Variants in CIMIP1 observed in about 807,000 individuals in gnomAD.
CIMIP1 encodes ciliary microtubule inner protein 1.
the CIMIP1 span, chr20:58,155,595 T>C: frequency 4.4e-5 from 68 of 1,555,802 alleles, no homozygotes; most frequent in East Asian, 1.5e-3. Context: ...AAATACTCAT[T>C]TTTTTAAAAT....
chr20:58,151,339 G>A, the CIMIP1 span, among the ~76,000 whole-genome samples: 1 of 146,674 alleles, frequency 6.8e-6, no homozygotes, highest in Non-Finnish European at 1.5e-5. Flanking sequence ...ACATGTTCAT[G>A]TTTTTTTTTT....
chr20:58,153,740 ATCACTAAC>A, the CIMIP1 span: 1 of 777,808 alleles, frequency 1.3e-6, no homozygotes, highest in Admixed American at 2.5e-5. Context: ...GTAGGCAAAG[ATCACTAAC>A]TCCTAAACCA....
At chr20:58,150,944 C>A in the CIMIP1 span, 2 of 1,592,948 alleles carry the variant, frequency 1.3e-6, no homozygotes, top group East Asian at 2.3e-5. Flanking sequence ...GCTTGCGGGG[C>A]GCACAGAGCC....
chr20:58,160,811 G>A, the CIMIP1 span: 13 of 1,612,106 alleles, frequency 8.1e-6, no homozygotes, highest in Non-Finnish European at 1.0e-5. Flanking sequence ...GCCCAAGCAG[G>A]GCGTGCACTG....
At chr20:58,160,377 T>A in the CIMIP1 span, among the ~76,000 whole-genome samples, 1 of 152,256 alleles carries the variant, frequency 6.6e-6, no homozygotes, top group Non-Finnish European at 1.5e-5. Flanking sequence ...TATTTCTGCA[T>A]CTTTTTTTCT....
chr20:58,157,845 G>A, the CIMIP1 span, among the ~76,000 whole-genome samples: 39 of 152,332 alleles, frequency 2.6e-4, no homozygotes, highest in Admixed American at 1.7e-3. Flanking sequence ...TGGGCTGGCC[G>A]GAGAATAGAG....
At chr20:58,160,801 G>GC in the CIMIP1 span, 1 of 1,612,796 alleles carries the variant, frequency 6.2e-7, no homozygotes, top group African/African-American at 1.3e-5. Context: ...AGCTGTGCTG[G>GC]CCCAAGCAGG....
the CIMIP1 span, among the ~76,000 whole-genome samples, chr20:58,154,484 AAC>A: frequency 6.6e-6 from 1 of 152,238 alleles, no homozygotes; most frequent in Non-Finnish European, 1.5e-5. Context: ...AATTAATTAA[AAC>A]ACCACATCAG....
At chr20:58,151,077 T>C in the CIMIP1 span, 1 of 1,527,278 alleles carries the variant, frequency 6.5e-7, no homozygotes. Context: ...TGTTCTCACC[T>C]GAAGTGTCCA....
At chr20:58,153,956 G>T in the CIMIP1 span, among the ~76,000 whole-genome samples, 2 of 152,204 alleles carry the variant, frequency 1.3e-5, no homozygotes, top group African/African-American at 4.8e-5. Context: ...CCCTACTCAG[G>T]TGAGAAGCAG....
the CIMIP1 span, among the ~76,000 whole-genome samples, chr20:58,154,267 C>T: frequency 6.6e-6 from 1 of 152,188 alleles, no homozygotes; most frequent in African/African-American, 2.4e-5. Flanking sequence ...TGGTCCTGTC[C>T]AAAGAGGCAG....
the CIMIP1 span, chr20:58,155,455 G>C: frequency 1.2e-6 from 2 of 1,603,908 alleles, no homozygotes; most frequent in Non-Finnish European, 1.7e-6. Flanking sequence ...CATCTCTGGG[G>C]ATTCTGTTTC....
At chr20:58,153,095 G>A in the CIMIP1 span, among the ~76,000 whole-genome samples, 2 of 152,170 alleles carry the variant, frequency 1.3e-5, no homozygotes, top group Non-Finnish European at 1.5e-5. Flanking sequence ...GTCGGATTAG[G>A]GTGGGGCAAG....
chr20:58,158,713 T>C, the CIMIP1 span, among the ~76,000 whole-genome samples: 3 of 152,138 alleles, frequency 2.0e-5, no homozygotes, highest in Admixed American at 6.5e-5. Flanking sequence ...TATCCTCTCA[T>C]TGGTGACCAA....
At chr20:58,160,876 G>A in the CIMIP1 span, 1 of 1,561,572 alleles carries the variant, frequency 6.4e-7, no homozygotes, top group East Asian at 2.3e-5. Context: ...AGGCACCCAG[G>A]GCCATGCCAG....
chr20:58,160,753 C>T, the CIMIP1 span: 44 of 1,614,014 alleles, frequency 2.7e-5, 1 homozygote, highest in East Asian at 1.6e-4. Context: ...TAGAGCTCGA[C>T]GATGCGATCA....
the CIMIP1 span, among the ~76,000 whole-genome samples, chr20:58,155,012 C>T: frequency 5.8e-4 from 89 of 152,314 alleles, no homozygotes; most frequent in East Asian, 0.017. Context: ...TGCTAAGTTG[C>T]CCAGGCTGGT....
chr20:58,160,078 T>C, the CIMIP1 span, among the ~76,000 whole-genome samples: 11 of 152,244 alleles, frequency 7.2e-5, no homozygotes, highest in Non-Finnish European at 1.6e-4. Context: ...GGGGAAAACC[T>C]GCCTAAACAT....
At chr20:58,153,492 C>T in the CIMIP1 span, 7 of 1,371,070 alleles carry the variant, frequency 5.1e-6, no homozygotes, top group South Asian at 1.2e-5. Flanking sequence ...CCCCCACAGA[C>T]CCCTTGAACC....
Sources: gnomAD v4.1 joint callset for allele counts (sites outside exome capture counted in the v4.1 genomes callset) on GRCh38, gnomAD v4.1.1 for gene constraint, MANE v1.5 for transcripts, NCBI Gene and HGNC (gene_info 2026-07-23, HGNC 2026-07-21) for gene names.